Variants in CA10 observed in about 807,000 individuals in gnomAD.
CA10 encodes carbonic anhydrase 10 (inactive), also known as carbonic anhydrase-related protein 10.
A neutral mutation model predicts 44.2 loss-of-function variants in CA10; 14 were observed. The ratio of observed to expected loss-of-function variants is 0.32; its 90% confidence interval spans 0.21 to 0.50. The LOEUF (loss-of-function observed/expected upper bound fraction) is 0.50. Ranked by LOEUF, CA10 falls within the 20% of genes least tolerant of loss-of-function variation. CA10 has a pLI of 0.99. For synonymous variants in CA10, 159 were observed against 141.6 expected (o/e 1.12, Z -0.87); for missense variants, 350 against 409.7 (o/e 0.85, Z 1.26).
At chr17:51,993,020 CACTA>C (rs1301550318) in intron 2 of CA10, among the ~76,000 whole-genome samples, 5 of 152,254 alleles carry the variant, frequency 3.3e-5, no homozygotes, top group Non-Finnish European at 7.4e-5. Context: ...TTCCCCCATA[CACTA>C]ATTAAACATT....
intron 4 of CA10, among the ~76,000 whole-genome samples, chr17:51,657,507 T>G (rs77505044): frequency 1.4e-3 from 215 of 152,288 alleles, no homozygotes; most frequent in African/African-American, 5.1e-3. Flanking sequence ...TCACTGCTTC[T>G]CCTACCATGA....
chr17:51,740,259 G>A (rs532576088), intron 4 of CA10, among the ~76,000 whole-genome samples: 1 of 152,274 alleles, frequency 6.6e-6, no homozygotes, highest in African/African-American at 2.4e-5. Flanking sequence ...ACTGTAGGGA[G>A]TTAACAGTCT....
At position 51,857,739 on chromosome 17, in the gene CA10, C is replaced by A. The variant is rs192598921; in HGVS notation, c.279+73251G>T. 5.9e-4 allele frequency among the ~76,000 whole-genome samples: 90 copies of A among 152,160 alleles called. 1 individual carries two copies. The highest frequency in any genetic ancestry group is 6.2e-4 in the Non-Finnish European group (42 of 68,036). On this transcript the variant is annotated intron_variant, in intron 3 of 8. Transcript: ENST00000451037. ...GGAAATAGAACAGAGTCTATCTTTA[C>A]GATCTGAATGACATAAGAGACAGTG... is the stretch of plus-strand genomic sequence containing the variant.
chr17:52,062,069 T>TTC (rs1364712191), intron 2 of CA10, among the ~76,000 whole-genome samples: 13 of 146,746 alleles, frequency 8.9e-5, no homozygotes, highest in Non-Finnish European at 2.0e-4. Flanking sequence ...TGGCCACTTT[T>TTC]TTTTTTTTTT....
chr17:51,852,957 T>C (rs1199044867), intron 3 of CA10, among the ~76,000 whole-genome samples: 1 of 152,164 alleles, frequency 6.6e-6, no homozygotes, highest in African/African-American at 2.4e-5. Flanking sequence ...TTTAGAAATG[T>C]TTAATTTAGA....
At chr17:51,794,735 A>C (rs1906644154) in intron 3 of CA10, among the ~76,000 whole-genome samples, 1 of 152,242 alleles carries the variant, frequency 6.6e-6, no homozygotes, top group Non-Finnish European at 1.5e-5. Context: ...AAATATAATA[A>C]ATCTACAGTG....
chr17:51,809,732 T>C (rs1312120575), intron 3 of CA10, among the ~76,000 whole-genome samples: 2 of 152,138 alleles, frequency 1.3e-5, no homozygotes, highest in Non-Finnish European at 2.9e-5. Context: ...GGGGAAGATA[T>C]TAACAGCAGG....
chr17:51,834,305 C>G (rs1271672358), intron 3 of CA10, among the ~76,000 whole-genome samples: 1 of 152,158 alleles, frequency 6.6e-6, no homozygotes, highest in Non-Finnish European at 1.5e-5. Flanking sequence ...AGATTTTTCC[C>G]AGACTTCAAT....
At chr17:52,026,507 C>T (rs1490333524) in intron 2 of CA10, among the ~76,000 whole-genome samples, 1 of 152,094 alleles carries the variant, frequency 6.6e-6, no homozygotes, top group Non-Finnish European at 1.5e-5. Context: ...GGTCTGTTCT[C>T]ATGCTGCTAA....
intron 4 of CA10, among the ~76,000 whole-genome samples, chr17:51,654,458 T>C (rs1913708815): frequency 6.6e-6 from 1 of 152,224 alleles, no homozygotes; most frequent in South Asian, 2.1e-4. Flanking sequence ...CTGGGATCAA[T>C]TGTTTCCTCT....
At chr17:51,915,742 T>C (rs1198483353) in intron 3 of CA10, among the ~76,000 whole-genome samples, 3 of 152,152 alleles carry the variant, frequency 2.0e-5, no homozygotes, top group Non-Finnish European at 4.4e-5. Context: ...TTGCTATTCA[T>C]TCCTCCCGGG....
intron 3 of CA10, among the ~76,000 whole-genome samples, chr17:51,754,400 G>GATAC (rs1475205349): frequency 4.1e-5 from 3 of 73,102 alleles, no homozygotes. Flanking sequence ...GTGTGTGTGT[G>GATAC]ATATATATAT....
chr17:52,052,921 ATGTG>A (rs1370777869), intron 2 of CA10, among the ~76,000 whole-genome samples: 1 of 151,726 alleles, frequency 6.6e-6, no homozygotes, highest in African/African-American at 2.4e-5. Context: ...GTGTATGAGT[ATGTG>A]TGTGTGTGAG....
chr17:52,157,921 G>A lies in CA10; in HGVS notation c.-135C>T, dbSNP rs537391158. On this transcript the variant is annotated 5_prime_UTR_variant, in exon 1 of 9. Coordinates refer to ENST00000451037, the MANE Select transcript of CA10 (RefSeq NM_020178.5). Reference sequence around the variant, plus strand: ...CACTCGCACTCCCACCCGACAGCCGGCCAGGGACAGTCACCCCCAAGATCA... The same window carrying A: ...CACTCGCACTCCCACCCGACAGCCGACCAGGGACAGTCACCCCCAAGATCA... 2 of 740,786 alleles carry A rather than the reference G, an allele frequency of 2.7e-6. No individual in the cohort carries two copies. Among genetic ancestry groups the A allele is most frequent in the South Asian group, 3.0e-5 (2 of 66,244 alleles). The allele number at this position is 740,786 out of a possible 1,614,324, so 45.9% of individuals were successfully genotyped here. A position where few individuals can be genotyped will look rare whatever the true frequency, so the allele number is the denominator to read the frequency against.
At chr17:51,967,213 A>C (rs1984112939) in intron 2 of CA10, among the ~76,000 whole-genome samples, 1 of 151,804 alleles carries the variant, frequency 6.6e-6, no homozygotes. Flanking sequence ...GCTACAGAGA[A>C]AAGAGAACAT....
intron 4 of CA10, among the ~76,000 whole-genome samples, chr17:51,743,985 G>A (rs1904566354): frequency 6.6e-6 from 1 of 152,168 alleles, no homozygotes; most frequent in Non-Finnish European, 1.5e-5. Flanking sequence ...GACTTTTACT[G>A]AGGCTAATCC....
rs145234136 is a variant in CA10 at position 52,062,954 on chromosome 17, T to C, written c.136+9365A>G. On this transcript the variant is annotated intron_variant, in intron 2 of 8. Transcript: ENST00000451037. ...CATGGAAATGCTGCAGGTATTAGAT[T>C]CCAAACTGTAAAAGCAGCAATGTGG... Among the ~76,000 whole-genome samples the C allele has an allele frequency of 1.3e-3, 201 of 152,274 alleles. 1 individual carries two copies. The highest frequency in any genetic ancestry group is 3.9e-3 in the African/African-American group (160 of 41,556).
chr17:51,754,877 A>G (rs1411738461), intron 3 of CA10, among the ~76,000 whole-genome samples: 2 of 152,110 alleles, frequency 1.3e-5, no homozygotes. Flanking sequence ...GATACCACAC[A>G]TAAAGGGTTA....
intron 1 of CA10, among the ~76,000 whole-genome samples, chr17:52,104,883 G>A (rs1988624777): frequency 6.6e-6 from 1 of 152,142 alleles, no homozygotes; most frequent in African/African-American, 2.4e-5. Context: ...GTTAGATAAA[G>A]CTTAGATTAA....
Sources: allele counts gnomAD v4.1 joint callset (sites outside exome capture counted in the v4.1 genomes callset), GRCh38; gene constraint gnomAD v4.1.1; transcripts MANE v1.5; gene names NCBI Gene and HGNC (gene_info 2026-07-23, HGNC 2026-07-21).